OPA1: variants seen among roughly 807,000 people sequenced by gnomAD.
OPA1 encodes dynamin-like GTPase OPA1, mitochondrial.
In OPA1, 59 loss-of-function variants were observed where a neutral mutation model predicts 152.9. That is an observed-to-expected ratio of 0.39 (90% confidence interval 0.31 to 0.48). The LOEUF (loss-of-function observed/expected upper bound fraction) is 0.48. Among genes scored for constraint, OPA1 ranks in the 20% least tolerant of loss-of-function variants. The pLI, the probability that OPA1 is intolerant of heterozygous loss-of-function variation, is 0.96. For missense variants in OPA1, 1,008 were observed against 1,216.8 expected (o/e 0.83, Z 2.55); for synonymous variants, 400 against 389.9 (o/e 1.03, Z -0.31).
intron 1 of OPA1, among the ~76,000 whole-genome samples, chr3:193,604,163 A>T (rs936801973): frequency 6.6e-6 from 1 of 152,168 alleles, no homozygotes; most frequent in Non-Finnish European, 1.5e-5. Context: ...TGCCTTAGAG[A>T]CTGGGCCTAA....
At chr3:193,632,577 A>G (rs1732255192) in intron 8 of OPA1, among the ~76,000 whole-genome samples, 1 of 152,176 alleles carries the variant, frequency 6.6e-6, no homozygotes, top group South Asian at 2.1e-4. Flanking sequence ...AAGTTCAAAG[A>G]GTTACTATCA....
chr3:193,657,270 T>G, intron 23 of OPA1, 38 bp downstream of exon 23: 1 of 1,593,908 alleles, frequency 6.3e-7, no homozygotes, highest in Non-Finnish European at 8.6e-7. Context: ...GCCTCATATT[T>G]TTATATAACT....
chr3:193,616,241 A>G (rs966581198), intron 3 of OPA1, among the ~76,000 whole-genome samples: 1 of 152,136 alleles, frequency 6.6e-6, no homozygotes, highest in African/African-American at 2.4e-5. Context: ...CAAATTCCTT[A>G]GCTCAAACCT....
intron 8 of OPA1, among the ~76,000 whole-genome samples, chr3:193,632,649 G>T (rs370678657): frequency 6.6e-6 from 1 of 152,022 alleles, no homozygotes; most frequent in African/African-American, 2.4e-5. Flanking sequence ...CAGGAGGATC[G>T]CTTGAGCCCA....
intron 9 of OPA1, 130 bp from the exon 10 acceptor site, chr3:193,637,065 A>T: frequency 1.9e-6 from 1 of 528,228 alleles, no homozygotes; most frequent in Non-Finnish European, 3.3e-6. Context: ...GTATTTATGT[A>T]ATTTGAGAAA....
rs1325183510 is a variant in OPA1 at position 193,697,354 on chromosome 3, G to A, written c.*2754G>A. 2.0e-5 allele frequency: 3 copies of A among 152,180 alleles called. No individual in the cohort carries two copies. The highest frequency in any genetic ancestry group is 4.1e-4 in the South Asian group (2 of 4,836). 9.4% of individuals were successfully genotyped at this position (152,180 alleles called of 1,614,324 possible). On this transcript the variant is annotated 3_prime_UTR_variant, in exon 31 of 31. Transcript: ENST00000361510. ...ACCTTTTGAATGATCATGGCTATAT[G>A]TTGTTGAGATATTTGAAACTTACCT...
chr3:193,633,507 T>C (rs1163759621), intron 8 of OPA1, among the ~76,000 whole-genome samples: 5 of 152,170 alleles, frequency 3.3e-5, no homozygotes, highest in African/African-American at 1.2e-4. Context: ...ACCCTTCAAT[T>C]TGTGCAATTG....
intron 6 of OPA1, 121 bp downstream of exon 6, chr3:193,619,057 A>G: frequency 2.5e-6 from 2 of 789,460 alleles, no homozygotes; most frequent in Non-Finnish European, 2.2e-6. Context: ...ATCCAAGTAG[A>G]GATATCGTTA....
At chr3:193,642,513 A>C (rs1384685804) in intron 11 of OPA1, among the ~76,000 whole-genome samples, 1 of 152,206 alleles carries the variant, frequency 6.6e-6, no homozygotes, top group Non-Finnish European at 1.5e-5. Context: ...TTAGGTCATA[A>C]GCGATATAAA....
At chr3:193,630,473 C>T (rs982146084) in intron 7 of OPA1, among the ~76,000 whole-genome samples, 5 of 151,460 alleles carry the variant, frequency 3.3e-5, no homozygotes, top group African/African-American at 1.2e-4. Flanking sequence ...GAATTAAAAT[C>T]TTAAAATAAC....
At chr3:193,596,625 A>G (rs1276728098) in intron 1 of OPA1, among the ~76,000 whole-genome samples, 1 of 152,090 alleles carries the variant, frequency 6.6e-6, no homozygotes, top group African/African-American at 2.4e-5. Flanking sequence ...TGAACTTTTA[A>G]GAAAACTCTT....
chr3:193,672,507 G>A (rs1718147185), intron 29 of OPA1, among the ~76,000 whole-genome samples: 1 of 152,176 alleles, frequency 6.6e-6, no homozygotes, highest in Non-Finnish European at 1.5e-5. Context: ...CTCTGTGCGT[G>A]TAATCAGAGA....
intron 28 of OPA1, among the ~76,000 whole-genome samples, chr3:193,666,719 T>C (rs1296476777): frequency 6.6e-6 from 1 of 151,970 alleles, no homozygotes; most frequent in East Asian, 1.9e-4. Context: ...AGCCCTAGGA[T>C]TTTGAGGCTA....
At chr3:193,656,894 A>G (rs1396749352) in intron 22 of OPA1, among the ~76,000 whole-genome samples, 186 bp from the exon 23 acceptor site, 1 of 152,210 alleles carries the variant, frequency 6.6e-6, no homozygotes, top group South Asian at 2.1e-4. Flanking sequence ...ATCTGTCCCC[A>G]GCAACCCGTG....
At chr3:193,643,832 TAGG>T in intron 15 of OPA1, 140 bp from the exon 16 acceptor site, 1 of 1,000,662 alleles carries the variant, frequency 1.0e-6, no homozygotes, top group Non-Finnish European at 1.5e-6. Flanking sequence ...TTTTATCGGC[TAGG>T]ATTTCTTTTT....
chr3:193,612,137 C>A (rs545351020), intron 1 of OPA1, among the ~76,000 whole-genome samples: 1 of 152,284 alleles, frequency 6.6e-6, no homozygotes, highest in East Asian at 1.9e-4. Context: ...ATTTTTGAGA[C>A]TTTTCCCTTG....
At chr3:193,679,604 A>G (rs1248993905) in intron 29 of OPA1, among the ~76,000 whole-genome samples, 1 of 152,140 alleles carries the variant, frequency 6.6e-6, no homozygotes, top group East Asian at 1.9e-4. Context: ...GACTTTTTTT[A>G]AAGAATTGTT....
intron 6 of OPA1, among the ~76,000 whole-genome samples, chr3:193,621,625 G>GA (rs1730099199): frequency 6.6e-6 from 1 of 152,014 alleles, no homozygotes; most frequent in African/African-American, 2.4e-5. Flanking sequence ...ATGAAACATT[G>GA]AAAAAAATAG....
intron 16 of OPA1, 103 bp downstream of exon 16, chr3:193,644,208 CT>C (rs1734198743): frequency 4.6e-6 from 6 of 1,308,244 alleles, no homozygotes; most frequent in Non-Finnish European, 6.5e-6. Context: ...AAAAAAACAC[CT>C]TACAACTAAG....
Sources: gnomAD v4.1 joint callset for allele counts (sites outside exome capture counted in the v4.1 genomes callset) on GRCh38, gnomAD v4.1.1 for gene constraint, MANE v1.5 for transcripts, NCBI Gene and HGNC (gene_info 2026-07-23, HGNC 2026-07-21) for gene names.